Variants in LIFR observed in about 807,000 individuals in gnomAD.
LIFR encodes the protein LIF receptor subunit alpha, also known as leukemia inhibitory factor receptor.
A neutral mutation model predicts 122.2 loss-of-function variants in LIFR; 84 were observed. The observed-to-expected ratio is 0.69, with a 90% CI of 0.58 to 0.82. The LOEUF (loss-of-function observed/expected upper bound fraction) is 0.82. LIFR is among the 40% of genes least tolerant of loss of function. The pLI, the probability that LIFR is intolerant of heterozygous loss-of-function variation, is 0.00. For missense variants in LIFR, 1,294 were observed against 1,311.6 expected (o/e 0.99, Z 0.21); for synonymous variants, 422 against 434.7 (o/e 0.97, Z 0.36).
chr5:38,517,586 G>A (rs1057285876), intron 5 of LIFR, among the ~76,000 whole-genome samples: 7 of 151,930 alleles, frequency 4.6e-5, no homozygotes, highest in Non-Finnish European at 8.8e-5. Flanking sequence ...GGCTGGGCGC[G>A]GTGGCTCATG....
rs1186277015 is a variant in LIFR at position 38,553,642 on chromosome 5, A to ATATATAT, written c.-20+2685_-20+2691dup. Among the ~76,000 whole-genome samples, 5 of 91,490 alleles carry ATATATAT rather than the reference A, an allele frequency of 5.5e-5. No individual in the cohort carries two copies. The East Asian group carries it at 1.8e-3, about 32-fold the overall frequency. The allele number at this position is 91,490 out of a possible 152,430, so 60.0% of individuals were successfully genotyped here. A position where few individuals can be genotyped will look rare whatever the true frequency, so the allele number is the denominator to read the frequency against. ...TTAAACTATATATATATATATATATATATATATATATATATATATATATAT... is the reference window on the plus strand; with the variant it reads ...TTAAACTATATATATATATATATATATATATATTATATATATATATATATATATATAT... On this transcript the variant is annotated intron_variant, in intron 1 of 19. Coordinates refer to ENST00000453190, the MANE Select transcript of LIFR (RefSeq NM_001127671.2).
chr5:38,496,265 G>A (rs1744869171), intron 13 of LIFR, 117 bp downstream of exon 13: 2 of 827,810 alleles, frequency 2.4e-6, no homozygotes, highest in East Asian at 2.5e-5. Flanking sequence ...CTGCCTTCTA[G>A]GTCAGCAGCA....
chr5:38,585,898 C>G (rs1749731169), intron 1 of LIFR, among the ~76,000 whole-genome samples: 1 of 152,132 alleles, frequency 6.6e-6, no homozygotes, highest in South Asian at 2.1e-4. Context: ...GTCACATCTT[C>G]TCTTCTTCAT....
intron 1 of LIFR, among the ~76,000 whole-genome samples, chr5:38,544,113 A>C (rs1355658374): frequency 6.6e-6 from 1 of 151,964 alleles, no homozygotes; most frequent in East Asian, 1.9e-4. Context: ...AAAAACACCC[A>C]TCATCCTCAT....
At chr5:38,504,415 C>CAAAAAAAAAAAAA (rs71604899) in intron 9 of LIFR, among the ~76,000 whole-genome samples, 19 of 120,386 alleles carry the variant, frequency 1.6e-4, no homozygotes, top group Non-Finnish European at 2.4e-4. Flanking sequence ...AGGGAATGAC[C>CAAAAAAAAAAAAA]AAAAAAAAAA....
chr5:38,595,862 A>G (rs1750083148), upstream of LIFR, among the ~76,000 whole-genome samples: 1 of 52,832 alleles, frequency 1.9e-5, no homozygotes, highest in Non-Finnish European at 3.6e-5. Flanking sequence ...CCTCCCGAGT[A>G]GCTGGGACTA....
At chr5:38,581,041 A>G (rs974919121) in intron 1 of LIFR, among the ~76,000 whole-genome samples, 7 of 152,100 alleles carry the variant, frequency 4.6e-5, no homozygotes, top group Non-Finnish European at 1.0e-4. Context: ...CTCATCTATA[A>G]AAAAAGGATC....
At chr5:38,561,542 T>C (rs945564916), upstream of LIFR, among the ~76,000 whole-genome samples, 4 of 152,224 alleles carry the variant, frequency 2.6e-5, no homozygotes, top group African/African-American at 9.6e-5. Flanking sequence ...AAGGTATATA[T>C]ATCTATTTTT....
intron 2 of LIFR, among the ~76,000 whole-genome samples, chr5:38,605,076 C>T (rs3099119): frequency 0.25 from 37,756 of 151,772 alleles, 5,003 homozygotes; most frequent in African/African-American, 0.35. Context: ...TAACAGGCCT[C>T]CGAGAGAATA....
intron 16 of LIFR, among the ~76,000 whole-genome samples, chr5:38,487,853 A>C (rs924139911): frequency 6.6e-6 from 1 of 152,182 alleles, no homozygotes; most frequent in Non-Finnish European, 1.5e-5. Flanking sequence ...TCAGCCTCCA[A>C]GGCCTGGTCT....
intron 1 of LIFR, among the ~76,000 whole-genome samples, chr5:38,544,337 C>G (rs1420645141): frequency 6.6e-6 from 1 of 152,098 alleles, no homozygotes; most frequent in African/African-American, 2.4e-5. Context: ...TCCTGCATCC[C>G]CTTCCACACT....
chr5:38,574,665 G>A (rs966801200), intron 1 of LIFR, among the ~76,000 whole-genome samples: 1 of 152,120 alleles, frequency 6.6e-6, no homozygotes, highest in Non-Finnish European at 1.5e-5. Context: ...GTCTTTCAAC[G>A]AAAGCCCTTT....
intron 1 of LIFR, among the ~76,000 whole-genome samples, chr5:38,568,816 G>C (rs1156327183): frequency 6.6e-6 from 1 of 152,218 alleles, no homozygotes; most frequent in Non-Finnish European, 1.5e-5. Flanking sequence ...TAGTGTGGGA[G>C]AGGTTTATTG....
chr5:38,523,715 G>A, intron 4 of LIFR, 133 bp from the exon 5 acceptor site: 1 of 737,518 alleles, frequency 1.4e-6, no homozygotes, highest in East Asian at 2.6e-5. Context: ...GATTTAAAAG[G>A]AAACTCTAGA....
chr5:38,556,428 G>C lies in LIFR; in HGVS notation c.-114C>G, dbSNP rs1748551103. The C allele has an allele frequency of 1.3e-5, 2 of 151,998 alleles. No homozygotes were observed. The highest frequency in any genetic ancestry group is 2.9e-5 in the Non-Finnish European group (2 of 68,198). 9.4% of individuals were successfully genotyped at this position (151,998 alleles called of 1,614,324 possible). On this transcript the variant is annotated 5_prime_UTR_variant, in exon 1 of 20. Transcript: ENST00000453190. Reference sequence around the variant, plus strand: ...GCTGCCCAGATCCCACAGCCGCCCGGGGGCAGGAGCCGCCAAGGAGGGGGC... The same window carrying C: ...GCTGCCCAGATCCCACAGCCGCCCGCGGGCAGGAGCCGCCAAGGAGGGGGC...
chr5:38,511,614 A>T (rs1745807321), intron 6 of LIFR, among the ~76,000 whole-genome samples, 176 bp downstream of exon 6: 1 of 152,160 alleles, frequency 6.6e-6, no homozygotes, highest in Admixed American at 6.5e-5. Context: ...CAGATTCCTG[A>T]AGCCTATCTC....
rs1749229839 is a variant in LIFR at position 38,572,002 on chromosome 5, T to G, written c.-20+23259A>C. 2.0e-5 allele frequency among the ~76,000 whole-genome samples: 3 copies of G among 152,220 alleles called. No individual in the cohort carries two copies. The South Asian group carries it at 6.2e-4, about 32-fold the overall frequency. On this transcript the variant is annotated intron_variant, in intron 1 of 19. Transcript: ENST00000263409. Reference sequence around the variant, plus strand: ...TATTGCTTTTTTCTAATAAATAGGATTGTTTTTACTATAGCTTAAGCCCAC... The same window carrying G: ...TATTGCTTTTTTCTAATAAATAGGAGTGTTTTTACTATAGCTTAAGCCCAC...
intron 5 of LIFR, among the ~76,000 whole-genome samples, chr5:38,513,072 C>T (rs2731960): frequency 0.51 from 77,567 of 152,036 alleles, 21,469 homozygotes; most frequent in African/African-American, 0.73. Context: ...GACTTCTAGG[C>T]AAACACAATA....
chr5:38,518,172 A>T (rs1746206672), intron 5 of LIFR, among the ~76,000 whole-genome samples: 1 of 151,960 alleles, frequency 6.6e-6, no homozygotes, highest in Admixed American at 6.6e-5. Flanking sequence ...TGGGTCTTGA[A>T]ATGCAGGTTC....
Sources: allele counts gnomAD v4.1 joint callset (sites outside exome capture counted in the v4.1 genomes callset), GRCh38; gene constraint gnomAD v4.1.1; transcripts MANE v1.5; gene names NCBI Gene and HGNC (gene_info 2026-07-23, HGNC 2026-07-21).